ABI3BP: variants seen among roughly 807,000 people sequenced by gnomAD.
The protein encoded by ABI3BP is target of Nesh-SH3.
Under a neutral mutation model 268.6 loss-of-function variants are expected in ABI3BP, and 216 were observed. The ratio of observed to expected loss-of-function variants is 0.80; its 90% CI spans 0.72 to 0.90. The LOEUF is 0.90. Ranked by LOEUF, ABI3BP falls within the 40% of genes least tolerant of loss-of-function variation. ABI3BP has a pLI of 0.00. For missense variants in ABI3BP, 2,090 were observed against 2,182.4 expected, an observed-to-expected ratio of 0.96 and a Z score of 0.84; for synonymous variants, 730 against 730.0, an observed-to-expected ratio of 1.00 and a Z score of 0.00.
chr3:100,848,359 T>C (rs1048262814), intron 18 of ABI3BP, among the ~76,000 whole-genome samples: 2 of 152,214 alleles, frequency 1.3e-5, no homozygotes, highest in Non-Finnish European at 2.9e-5. Flanking sequence ...CATGCAAAAA[T>C]ATAATTTTCA....
At chr3:100,971,558 T>C (rs749828025) in intron 1 of ABI3BP, among the ~76,000 whole-genome samples, 7 of 152,102 alleles carry the variant, frequency 4.6e-5, no homozygotes, top group South Asian at 2.1e-4. Context: ...GATATTAGGG[T>C]CACCAGGTCC....
intron 31 of ABI3BP, among the ~76,000 whole-genome samples, chr3:100,831,005 AC>A (rs1247807539): frequency 2.0e-5 from 3 of 152,188 alleles, no homozygotes; most frequent in African/African-American, 7.2e-5. Flanking sequence ...ACCAAAGAGC[AC>A]TCATTATAAG....
intron 4 of ABI3BP, among the ~76,000 whole-genome samples, chr3:100,895,034 G>A (rs1427000327): frequency 1.4e-5 from 2 of 144,902 alleles, no homozygotes; most frequent in African/African-American, 5.2e-5. Context: ...TATTCATAAA[G>A]CTTTAATACG....
intron 6 of ABI3BP, among the ~76,000 whole-genome samples, chr3:100,885,207 C>A (rs2041377691): frequency 6.6e-6 from 1 of 151,974 alleles, no homozygotes; most frequent in African/African-American, 2.4e-5. Context: ...GTACATAAAT[C>A]ATGTATCAAT....
intron 2 of ABI3BP, among the ~76,000 whole-genome samples, chr3:100,907,223 G>C (rs929644912): frequency 6.6e-6 from 1 of 152,190 alleles, no homozygotes; most frequent in Non-Finnish European, 1.5e-5. Context: ...GGCCAGGCAT[G>C]GTGGCTCAGC....
chr3:100,910,402 G>A (rs1223083872), intron 2 of ABI3BP, among the ~76,000 whole-genome samples: 1 of 102,190 alleles, frequency 9.8e-6, no homozygotes, highest in Non-Finnish European at 2.0e-5. Context: ...AGAACTGAAA[G>A]TATAATTTAA....
At chr3:100,776,559 G>A (rs1272231900) in intron 59 of ABI3BP, among the ~76,000 whole-genome samples, 1 of 152,294 alleles carries the variant, frequency 6.6e-6, no homozygotes, top group Admixed American at 6.5e-5. Flanking sequence ...ACACATGTGA[G>A]AGAGCCTCAG....
rs146041750 is a variant in ABI3BP at position 100,768,892 on chromosome 3, T to C, written c.4741+1851A>G. 3.4e-3 allele frequency among the ~76,000 whole-genome samples: 520 copies of C among 152,328 alleles called. 5 individuals carry two copies. The highest frequency in any genetic ancestry group is 5.0e-3 in the Non-Finnish European group (339 of 68,034). Reference sequence around the variant, plus strand: ...CCAGGCTATGGCCAATTTTTTGGTGTACCTTTTTCTACTTCAGTATAGAAA... The same window carrying C: ...CCAGGCTATGGCCAATTTTTTGGTGCACCTTTTTCTACTTCAGTATAGAAA... On this transcript the variant is annotated intron_variant, in intron 62 of 67. Transcript: ENST00000471714.
At chr3:100,823,322 A>G in intron 37 of ABI3BP, 136 bp downstream of exon 37, 4 of 692,096 alleles carry the variant, frequency 5.8e-6, no homozygotes, top group East Asian at 2.9e-5. Flanking sequence ...CTTAAAAACA[A>G]CAGTTAAGAG....
At chr3:100,770,591 G>A (rs1480709081) in intron 62 of ABI3BP, among the ~76,000 whole-genome samples, 152 bp downstream of exon 62, 1 of 152,104 alleles carries the variant, frequency 6.6e-6, no homozygotes, top group Non-Finnish European at 1.5e-5. Context: ...TGACATTGTT[G>A]ACAATAATGT....
chr3:100,954,063 T>G (rs17398421), intron 1 of ABI3BP, among the ~76,000 whole-genome samples: 17,861 of 152,156 alleles, frequency 0.12, 1,214 homozygotes, highest in Non-Finnish European at 0.15. Context: ...CCAGATACAG[T>G]GACCTCTAGG....
chr3:100,752,927 G>T lies in ABI3BP; in HGVS notation c.4982C>A (p.Thr1661Asn). 6.2e-7 allele frequency: 1 copy of T among 1,612,442 alleles called. No individual in the cohort carries two copies. Among genetic ancestry groups the T allele is most frequent in the South Asian group, 1.1e-5 (1 of 90,930 alleles). Residue 1661 changes from threonine to asparagine, a missense_variant, in exon 66 of 68, where the codon ACT becomes AAT. Coordinates refer to ENST00000471714, the MANE Select transcript of ABI3BP (RefSeq NM_001375547.2). ...PVSAGRDAIW[T>N]ERPFNSDSYS... Reference sequence around the variant, plus strand: ...AGAGTCTGAATTAAAGGGTCTTTCAGTCCAGATGGCATCTCTTCCTGCTAC... The same window carrying T: ...AGAGTCTGAATTAAAGGGTCTTTCATTCCAGATGGCATCTCTTCCTGCTAC...
At chr3:100,866,646 C>T (rs1475255780) in intron 10 of ABI3BP, among the ~76,000 whole-genome samples, 1 of 152,050 alleles carries the variant, frequency 6.6e-6, no homozygotes, top group Non-Finnish European at 1.5e-5. Flanking sequence ...TAATAATTTT[C>T]ATTTAGAGTA....
chr3:100,932,101 T>C (rs2063825640), intron 1 of ABI3BP, among the ~76,000 whole-genome samples: 1 of 151,556 alleles, frequency 6.6e-6, no homozygotes, highest in African/African-American at 2.4e-5. Context: ...AAACAAGCAA[T>C]AGGGAAAGGA....
chr3:100,753,744 A>G, intron 65 of ABI3BP, 75 bp downstream of exon 65: 1 of 1,524,122 alleles, frequency 6.6e-7, no homozygotes, highest in Non-Finnish European at 9.0e-7. Flanking sequence ...ATCATGATTC[A>G]GATTCTGCCA....
chr3:100,901,662 A>T (rs2050429706), intron 3 of ABI3BP, among the ~76,000 whole-genome samples: 1 of 151,906 alleles, frequency 6.6e-6, no homozygotes, highest in Admixed American at 6.6e-5. Flanking sequence ...GCTACTCGAG[A>T]GGCTGAGGCA....
At chr3:100,796,599 G>T (rs2097352844) in intron 51 of ABI3BP, 131 bp from the exon 52 acceptor site, 2 of 572,876 alleles carry the variant, frequency 3.5e-6, no homozygotes, top group Non-Finnish European at 2.9e-6. Flanking sequence ...AATGACCAAA[G>T]TTGAGAAGAT....
intron 1 of ABI3BP, among the ~76,000 whole-genome samples, chr3:100,928,304 A>T (rs1583707076): frequency 6.6e-6 from 1 of 152,196 alleles, no homozygotes; most frequent in Non-Finnish European, 1.5e-5. Context: ...GACTGCATTT[A>T]CTGACTTAAT....
chr3:100,776,027 G>C (rs1033243543), intron 59 of ABI3BP, among the ~76,000 whole-genome samples: 8 of 152,152 alleles, frequency 5.3e-5, no homozygotes, highest in Admixed American at 4.6e-4. Context: ...CCATGATTCT[G>C]GCCTGGTGGC....
Sources: gnomAD v4.1 joint callset for allele counts (sites outside exome capture counted in the v4.1 genomes callset) on GRCh38, gnomAD v4.1.1 for gene constraint, MANE v1.5 for transcripts, NCBI Gene and HGNC (gene_info 2026-07-23, HGNC 2026-07-21) for gene names.